Variants in XYLB observed in about 807,000 individuals in gnomAD.
The protein encoded by XYLB is xylulokinase.
A neutral mutation model predicts 78.7 loss-of-function variants in XYLB; 62 were observed. The observed-to-expected ratio is 0.79, with a 90% CI of 0.64 to 0.97. The LOEUF (loss-of-function observed/expected upper bound fraction) is 0.97. XYLB is among the 50% of genes least tolerant of loss of function. XYLB has a pLI of 0.00. For missense variants in XYLB, 687 were observed against 676.8 expected, an observed-to-expected ratio of 1.02 and a Z score of -0.17; for synonymous variants, 245 against 247.4, an observed-to-expected ratio of 0.99 and a Z score of 0.09.
intron 1 of XYLB, among the ~76,000 whole-genome samples, chr3:38,347,355 AGCAG>A (rs1402650986): frequency 6.6e-6 from 1 of 152,236 alleles, no homozygotes; most frequent in Non-Finnish European, 1.5e-5. Context: ...GTGACCTGGA[AGCAG>A]ATTATAGCCC....
chr3:38,441,690 G>T, the XYLB span, among the ~76,000 whole-genome samples: 1 of 152,172 alleles, frequency 6.6e-6, no homozygotes, highest in African/African-American at 2.4e-5. Context: ...ACCATGAGTA[G>T]TCCAGACAGT....
intron 18 of XYLB, among the ~76,000 whole-genome samples, chr3:38,403,251 A>AC (rs887923617): frequency 2.0e-5 from 3 of 150,808 alleles, no homozygotes; most frequent in African/African-American, 7.3e-5. Context: ...CCAAGATCAC[A>AC]CCACTGCACT....
intron 15 of XYLB, among the ~76,000 whole-genome samples, chr3:38,390,360 C>A (rs1434874829): frequency 2.0e-5 from 3 of 151,818 alleles, no homozygotes; most frequent in Non-Finnish European, 2.9e-5. Flanking sequence ...ATTACAGGTG[C>A]CCACCACCAC....
downstream of XYLB, among the ~76,000 whole-genome samples, chr3:38,416,440 C>T (rs898234725): frequency 6.6e-6 from 1 of 152,042 alleles, no homozygotes; most frequent in Non-Finnish European, 1.5e-5. Context: ...CAGTGAAAAA[C>T]ATGCAGTAAA....
chr3:38,422,740 A>G (rs1183607102), downstream of XYLB, among the ~76,000 whole-genome samples: 1 of 152,110 alleles, frequency 6.6e-6, no homozygotes. Context: ...ACATAGAACA[A>G]TTATATAGCC....
chr3:38,360,141 A>G (rs1344779987), intron 2 of XYLB, among the ~76,000 whole-genome samples, 198 bp from the exon 3 acceptor site: 1 of 151,832 alleles, frequency 6.6e-6, no homozygotes, highest in Non-Finnish European at 1.5e-5. Context: ...CATCTGGGCC[A>G]CTCTGGGCAA....
intron 6 of XYLB, among the ~76,000 whole-genome samples, 198 bp downstream of exon 6, chr3:38,365,934 G>A (rs1706234987): frequency 6.6e-6 from 1 of 152,138 alleles, no homozygotes; most frequent in Admixed American, 6.5e-5. Flanking sequence ...TGTGCACATG[G>A]CTGTGCTCCT....
chr3:38,361,179 C>T (rs909286436), intron 3 of XYLB, among the ~76,000 whole-genome samples: 4 of 152,192 alleles, frequency 2.6e-5, no homozygotes, highest in African/African-American at 9.7e-5. Flanking sequence ...GCCAGGCCTG[C>T]CTGCTGAGGA....
chr3:38,373,486 C>T (rs1706682210), intron 10 of XYLB, among the ~76,000 whole-genome samples: 1 of 152,216 alleles, frequency 6.6e-6, no homozygotes, highest in Non-Finnish European at 1.5e-5. Context: ...TTCTTTTAAT[C>T]AACCTGGGCA....
chr3:38,368,855 GA>G (rs11311585), intron 8 of XYLB, among the ~76,000 whole-genome samples: 135,906 of 152,216 alleles, frequency 0.89, 61,280 homozygotes, highest in East Asian at 1. Flanking sequence ...ATCAGTAGGG[GA>G]CGATCATGGA....
rs532531891 is a variant in XYLB, at chr3:38,373,042, G to A, written c.847+306G>A. Among the ~76,000 whole-genome samples, 26 of 152,274 alleles carry A rather than the reference G, an allele frequency of 1.7e-4. No individual in the cohort carries two copies. In the East Asian group the frequency reaches 2.3e-3, roughly 14 times the overall value. On this transcript the variant is annotated intron_variant, in intron 10 of 18. Coordinates refer to ENST00000207870, the MANE Select transcript of XYLB (RefSeq NM_005108.4). ...TGCCCAATGATTATGGAAGGCAGTC[G>A]TGCCCACCCCATCCCTAACCTGTCT... is the stretch of plus-strand genomic sequence containing the variant.
chr3:38,390,599 T>C (rs908308507), intron 15 of XYLB, among the ~76,000 whole-genome samples: 7 of 152,190 alleles, frequency 4.6e-5, no homozygotes, highest in African/African-American at 1.4e-4. Flanking sequence ...CACGGCTCAT[T>C]GCAGCCTTGA....
At chr3:38,392,546 C>T (rs962826646) in intron 15 of XYLB, among the ~76,000 whole-genome samples, 18 of 152,286 alleles carry the variant, frequency 1.2e-4, no homozygotes, top group Admixed American at 7.8e-4. Context: ...ATACACCCGT[C>T]TCGGTCTCCC....
intron 2 of XYLB, chr3:38,355,772 C>A: frequency 1.4e-6 from 1 of 703,650 alleles, no homozygotes; most frequent in Non-Finnish European, 2.6e-6. Flanking sequence ...TGGAACATGA[C>A]AGAGCCACCA....
intron 18 of XYLB, among the ~76,000 whole-genome samples, chr3:38,403,878 T>G (rs73063251): frequency 7.9e-5 from 12 of 151,952 alleles, no homozygotes; most frequent in African/African-American, 2.9e-4. Flanking sequence ...CCCTTTACCA[T>G]TGGATCCAAA....
chr3:38,376,079 AC>A, intron 12 of XYLB, 37 bp from the exon 13 acceptor site: 2 of 1,427,430 alleles, frequency 1.4e-6, no homozygotes, highest in Non-Finnish European at 2.0e-6. Flanking sequence ...GTCAGCAAGC[AC>A]CAGCTCCCTC....
chr3:38,420,583 C>T (rs1708944960), exon 18 of XYLB, among the ~76,000 whole-genome samples: 1 of 152,188 alleles, frequency 6.6e-6, no homozygotes, highest in Non-Finnish European at 1.5e-5. Context: ...ATTGAATTCA[C>T]CAGTGAAACC....
At chr3:38,420,003 A>T (rs1247136594) in exon 18 of XYLB, among the ~76,000 whole-genome samples, 1 of 152,006 alleles carries the variant, frequency 6.6e-6, no homozygotes, top group African/African-American at 2.4e-5. Context: ...TATTTTTAGT[A>T]GAGACGGGAT....
chr3:38,426,958 G>T, the XYLB span, among the ~76,000 whole-genome samples: 5 of 152,200 alleles, frequency 3.3e-5, no homozygotes, highest in Admixed American at 6.5e-5. Flanking sequence ...TAGCAGGAAA[G>T]GCCTGTGGCT....
Sources: allele counts gnomAD v4.1 joint callset (sites outside exome capture counted in the v4.1 genomes callset), GRCh38; gene constraint gnomAD v4.1.1; transcripts MANE v1.5; gene names NCBI Gene and HGNC (gene_info 2026-07-23, HGNC 2026-07-21).